The following FMNL2 variants were observed in gnomAD, a reference collection of about 807,000 sequenced individuals.
The protein encoded by FMNL2 is formin-like protein 2.
A neutral mutation model predicts 130.2 loss-of-function variants in FMNL2; 51 were observed. The ratio of observed to expected loss-of-function variants is 0.39; its 90% CI spans 0.31 to 0.49. FMNL2 has a LOEUF of 0.49. Among genes scored for constraint, FMNL2 ranks in the 20% least tolerant of loss-of-function variants. The probability of loss-of-function intolerance (pLI) is 0.85; values close to 1 mark genes in which losing one functional copy is unlikely to be tolerated. For missense variants in FMNL2, 977 were observed against 1,316.2 expected (o/e 0.74, Z 3.99); for synonymous variants, 465 against 467.1 (o/e 1.00, Z 0.06).
intron 3 of FMNL2, among the ~76,000 whole-genome samples, chr2:152,548,454 G>T (rs1694765696): frequency 6.6e-6 from 1 of 152,138 alleles, no homozygotes; most frequent in Admixed American, 6.5e-5. Flanking sequence ...TTTGTGTAAT[G>T]TACTAGGCAG....
chr2:152,598,158 A>G lies in FMNL2; in HGVS notation c.877-9181A>G, dbSNP rs536004788. Among the ~76,000 whole-genome samples the G allele has an allele frequency of 3.9e-5, 6 of 152,320 alleles. No individual in the cohort carries two copies. In the South Asian group the frequency reaches 1.2e-3, roughly 32 times the overall value. Reference sequence around the variant, plus strand: ...ATTGCTGCAGGCTTTAGACAGCTCTAGCCACGTGCTCTTGCTGTGGTTTAG... The same window carrying G: ...ATTGCTGCAGGCTTTAGACAGCTCTGGCCACGTGCTCTTGCTGTGGTTTAG... On this transcript the variant is annotated intron_variant, in intron 9 of 25. Coordinates refer to ENST00000288670, the MANE Select transcript of FMNL2 (RefSeq NM_052905.4).
In FMNL2 at chr2:152,501,718, A is replaced by G. The variant is rs1465751466; in HGVS notation, c.118-20225A>G. ...AAATTTGCGTGACTTTTTTTTTTTTAATTTTGAGTAATTAATTGCCAAGAC... is the reference window on the plus strand; with the variant it reads ...AAATTTGCGTGACTTTTTTTTTTTTGATTTTGAGTAATTAATTGCCAAGAC... On this transcript the variant is annotated intron_variant, in intron 1 of 25. Coordinates refer to ENST00000288670, the MANE Select transcript of FMNL2 (RefSeq NM_052905.4). Among the ~76,000 whole-genome samples, 6 of 147,876 alleles carry G rather than the reference A, an allele frequency of 4.1e-5. No homozygotes were observed. The Admixed American group carries it at 4.2e-4, about 10-fold the overall frequency.
At chr2:152,557,770 T>C (rs977575248) in intron 4 of FMNL2, among the ~76,000 whole-genome samples, 2 of 152,182 alleles carry the variant, frequency 1.3e-5, no homozygotes, top group African/African-American at 2.4e-5. Flanking sequence ...TGGTCAGACT[T>C]TTTAGCTTGG....
chr2:152,621,075 T>A (rs1385322609), intron 15 of FMNL2: 1 of 985,322 alleles, frequency 1.0e-6, no homozygotes, highest in African/African-American at 1.7e-5. Context: ...GGGAATGTGT[T>A]CCATCACCAG....
chr2:152,413,955 C>T (rs540849532), intron 1 of FMNL2, among the ~76,000 whole-genome samples: 2 of 152,324 alleles, frequency 1.3e-5, no homozygotes, highest in Admixed American at 1.3e-4. Flanking sequence ...TCTTCTTCCT[C>T]ACTGTCTTTG....
rs1367421663 is a variant in FMNL2 at position 152,648,601 on chromosome 2, A to G, written c.*696A>G. 1 of 152,634 alleles carries G rather than the reference A, an allele frequency of 6.6e-6. No individual in the cohort carries two copies. The allele number at this position is 152,634 out of a possible 1,614,324, so 9.5% of individuals were successfully genotyped here. A position where few individuals can be genotyped will look rare whatever the true frequency, so the allele number is the denominator to read the frequency against. ...TCAGCTAGAGGCAGCTTTTTAAATAATGCAAGTGTATTTATTAGCATTAAA... is the reference window on the plus strand; with the variant it reads ...TCAGCTAGAGGCAGCTTTTTAAATAGTGCAAGTGTATTTATTAGCATTAAA... On this transcript the variant is annotated 3_prime_UTR_variant, in exon 26 of 26. Transcript: ENST00000288670.
At chr2:152,486,716 G>C (rs997902675) in intron 1 of FMNL2, among the ~76,000 whole-genome samples, 1 of 152,154 alleles carries the variant, frequency 6.6e-6, no homozygotes, top group African/African-American at 2.4e-5. Context: ...AGGCTTGAAC[G>C]TGGCTGCTAA....
intron 1 of FMNL2, among the ~76,000 whole-genome samples, chr2:152,429,313 C>T (rs1444422190): frequency 1.3e-5 from 2 of 151,954 alleles, no homozygotes; most frequent in African/African-American, 2.4e-5. Flanking sequence ...CTTTCTAGGC[C>T]GGTGCCCCTG....
At chr2:152,414,332 G>A (rs748518150) in intron 1 of FMNL2, among the ~76,000 whole-genome samples, 8 of 151,990 alleles carry the variant, frequency 5.3e-5, no homozygotes, top group Non-Finnish European at 1.0e-4. Context: ...AATCTCACTG[G>A]GGGTGGAGTG....
chr2:152,338,728 T>G (rs1389021180), intron 1 of FMNL2, among the ~76,000 whole-genome samples: 3 of 151,982 alleles, frequency 2.0e-5, no homozygotes, highest in Non-Finnish European at 4.4e-5. Flanking sequence ...TTATAAAACT[T>G]ACATTTAAGG....
intron 25 of FMNL2, among the ~76,000 whole-genome samples, chr2:152,643,037 A>T (rs749546527): frequency 6.6e-6 from 1 of 151,862 alleles, no homozygotes; most frequent in Non-Finnish European, 1.5e-5. Context: ...ACAAACAAAA[A>T]CCAAAGAACG....
At chr2:152,386,081 G>T (rs934027356) in intron 1 of FMNL2, among the ~76,000 whole-genome samples, 9 of 152,314 alleles carry the variant, frequency 5.9e-5, no homozygotes, top group Non-Finnish European at 1.0e-4. Flanking sequence ...ATCAGGAAAG[G>T]TTCCATAGTT....
At chr2:152,598,404 T>C (rs1460230262) in intron 9 of FMNL2, among the ~76,000 whole-genome samples, 1 of 152,128 alleles carries the variant, frequency 6.6e-6, no homozygotes, top group Non-Finnish European at 1.5e-5. Flanking sequence ...AATACCATTC[T>C]CAGGCTGGGT....
Position 152,458,369 on chromosome 2 carries a change from G to A in FMNL2, c.118-63574G>A, listed in dbSNP as rs144268913. ...TATCTTAGTCCGGAGCAATAACTCT[G>A]TTCTGGTTGGATGTGTTTACTCACT... On this transcript the variant is annotated intron_variant, in intron 1 of 25. Transcript: ENST00000288670. Among the ~76,000 whole-genome samples, 24 of 152,306 alleles carry A rather than the reference G, an allele frequency of 1.6e-4. No homozygotes were observed. In the East Asian group the frequency reaches 4.6e-3, roughly 29 times the overall value.
chr2:152,462,136 T>C (rs757041616), intron 1 of FMNL2, among the ~76,000 whole-genome samples: 3 of 152,166 alleles, frequency 2.0e-5, no homozygotes, highest in Non-Finnish European at 4.4e-5. Context: ...GTGTTGGGAT[T>C]ACATGTGGGA....
chr2:152,428,198 A>G (rs894488259), intron 1 of FMNL2, among the ~76,000 whole-genome samples: 2 of 152,242 alleles, frequency 1.3e-5, no homozygotes, highest in African/African-American at 4.8e-5. Flanking sequence ...TCATTCCAAA[A>G]ATGTTTTAAG....
At chr2:152,620,590 T>A (rs1699200380) in intron 15 of FMNL2, among the ~76,000 whole-genome samples, 1 of 152,194 alleles carries the variant, frequency 6.6e-6, no homozygotes. Context: ...GGTCTCTTAT[T>A]TACAATAAAG....
At chr2:152,644,520 G>A (rs1424282835) in intron 25 of FMNL2, among the ~76,000 whole-genome samples, 2 of 152,120 alleles carry the variant, frequency 1.3e-5, no homozygotes, top group African/African-American at 4.8e-5. Flanking sequence ...TGTAGATATA[G>A]GCAATCCATA....
intron 6 of FMNL2, among the ~76,000 whole-genome samples, chr2:152,565,112 A>C (rs1322089743): frequency 1.3e-5 from 2 of 152,258 alleles, no homozygotes; most frequent in African/African-American, 4.8e-5. Flanking sequence ...TGTGCACATC[A>C]GATCTATGAA....
Sources: allele counts gnomAD v4.1 joint callset (sites outside exome capture counted in the v4.1 genomes callset), GRCh38; gene constraint gnomAD v4.1.1; transcripts MANE v1.5; gene names NCBI Gene and HGNC (gene_info 2026-07-23, HGNC 2026-07-21).